APP: variants seen among roughly 807,000 people sequenced by gnomAD.
APP encodes the protein amyloid-beta precursor protein.
APP carries 31 observed loss-of-function variants against 101.4 expected under a neutral mutation model. The ratio of observed to expected loss-of-function variants is 0.31; its 90% CI spans 0.23 to 0.41. APP has a LOEUF of 0.41. Among genes scored for constraint, APP ranks in the 10% least tolerant of loss-of-function variants. The pLI, the probability that APP is intolerant of heterozygous loss-of-function variation, is 1.00. For synonymous variants in APP, 366 were observed against 364.4 expected (o/e 1.00, Z -0.05); for missense variants, 839 against 1,003.7 (o/e 0.84, Z 2.22).
intron 4 of APP, among the ~76,000 whole-genome samples, 161 bp downstream of exon 4, chr21:26,053,075 C>A (rs1279812862): frequency 4.6e-5 from 7 of 152,100 alleles, no homozygotes; most frequent in African/African-American, 1.7e-4. Flanking sequence ...AACCTAAAAT[C>A]ACTCTAAAAA....
At chr21:25,952,779 G>C (rs1309866129) in intron 13 of APP, among the ~76,000 whole-genome samples, 1 of 151,434 alleles carries the variant, frequency 6.6e-6, no homozygotes, top group Non-Finnish European at 1.5e-5. Flanking sequence ...ATGTTTTCTA[G>C]AAGATTTTAG....
At chr21:25,924,438 A>AAAAAAAAAAAG (rs1569061887) in intron 13 of APP, among the ~76,000 whole-genome samples, 1 of 134,308 alleles carries the variant, frequency 7.4e-6, no homozygotes, top group African/African-American at 2.7e-5. Context: ...GGAAAAAAAA[A>AAAAAAAAAAAG]AAGGTTGAGT....
Position 25,897,559 on chromosome 21 carries a change from A to C in APP, c.2064+14T>G, listed in dbSNP as rs1222646523. 3.8e-6 allele frequency: 6 copies of C among 1,596,904 alleles called. No individual in the cohort carries two copies. The African/African-American group carries it at 8.0e-5, about 21-fold the overall frequency. ...GACAAACAGTAGTGGAAAGAGGTAA[A>C]TTATTTTACGTACCAATTTTTGATG... On this transcript the variant is annotated intron_variant, in intron 16 of 17. Transcript: ENST00000346798.
intron 2 of APP, among the ~76,000 whole-genome samples, chr21:26,090,699 G>C (rs1436416220): frequency 6.6e-6 from 1 of 152,184 alleles, no homozygotes; most frequent in Admixed American, 6.5e-5. Flanking sequence ...CAGTAGATAT[G>C]GCTGGGGATA....
intron 2 of APP, among the ~76,000 whole-genome samples, chr21:26,093,864 C>T (rs1311845789): frequency 6.6e-6 from 1 of 152,034 alleles, no homozygotes; most frequent in Non-Finnish European, 1.5e-5. Flanking sequence ...ACCTGTAATC[C>T]CAGCACTTTG....
At chr21:26,129,639 T>C (rs540795096) in intron 1 of APP, among the ~76,000 whole-genome samples, 6 of 152,262 alleles carry the variant, frequency 3.9e-5, no homozygotes, top group African/African-American at 1.4e-4. Context: ...CTAAATTGCA[T>C]TTGTGAAATT....
chr21:25,927,147 T>G (rs1204217675), intron 13 of APP, among the ~76,000 whole-genome samples: 1 of 152,090 alleles, frequency 6.6e-6, no homozygotes, highest in Non-Finnish European at 1.5e-5. Flanking sequence ...TAAAAGAGAT[T>G]AAAGCAGTAG....
intron 3 of APP, among the ~76,000 whole-genome samples, chr21:26,055,755 C>T (rs2046015980): frequency 6.6e-6 from 1 of 152,176 alleles, no homozygotes; most frequent in Non-Finnish European, 1.5e-5. Context: ...GATTAAATGC[C>T]TGTCATGTAC....
chr21:26,077,038 G>A (rs1392411944), intron 3 of APP, among the ~76,000 whole-genome samples: 14 of 147,750 alleles, frequency 9.5e-5, no homozygotes, highest in African/African-American at 3.5e-4. Context: ...GCTCCAGCCT[G>A]GGCGACAGAG....
At chr21:26,142,425 C>G (rs2063066761) in intron 1 of APP, among the ~76,000 whole-genome samples, 1 of 152,212 alleles carries the variant, frequency 6.6e-6, no homozygotes, top group Non-Finnish European at 1.5e-5. Context: ...ATCCCCTTCT[C>G]TGCCAGACCA....
At chr21:26,026,144 A>G (rs1415586156) in intron 5 of APP, among the ~76,000 whole-genome samples, 1 of 152,270 alleles carries the variant, frequency 6.6e-6, no homozygotes, top group Non-Finnish European at 1.5e-5. Flanking sequence ...ATCATAAAAC[A>G]ATTTCCTTAC....
chr21:25,983,852 G>A lies in APP; in HGVS notation c.1091-1375C>T, dbSNP rs549260025. The stretch of plus-strand genomic sequence containing the variant: ...TGTTCCTTCTTACATTGGCAGCAAC[G>A]GGGGAAGGAAGGAAGGAAGGAAAGA... On this transcript the variant is annotated intron_variant, in intron 8 of 17. Coordinates refer to ENST00000346798, the MANE Select transcript of APP (RefSeq NM_000484.4). 3.9e-5 allele frequency among the ~76,000 whole-genome samples: 6 copies of A among 152,084 alleles called. No individual in the cohort carries two copies. In the South Asian group the frequency reaches 1.0e-3, roughly 27 times the overall value.
At chr21:25,926,488 A>G (rs559157008) in intron 13 of APP, among the ~76,000 whole-genome samples, 1 of 152,298 alleles carries the variant, frequency 6.6e-6, no homozygotes, top group South Asian at 2.1e-4. Flanking sequence ...TAACCATGAG[A>G]ACTGCACTCA....
chr21:26,007,950 T>C (rs539026345), intron 6 of APP, among the ~76,000 whole-genome samples: 2 of 152,190 alleles, frequency 1.3e-5, no homozygotes, highest in Non-Finnish European at 2.9e-5. Flanking sequence ...GCAAGCAAGC[T>C]TGAACTGAAG....
intron 15 of APP, among the ~76,000 whole-genome samples, chr21:25,901,867 G>A (rs187590385): frequency 1.7e-3 from 259 of 152,246 alleles, no homozygotes; most frequent in Non-Finnish European, 3.2e-3. Flanking sequence ...TATTTGGACT[G>A]CAGAAGGGTG....
intron 11 of APP, among the ~76,000 whole-genome samples, chr21:25,972,209 T>A (rs778097990): frequency 1.3e-4 from 20 of 152,058 alleles, no homozygotes; most frequent in Non-Finnish European, 2.9e-4. Context: ...ATACAACAAC[T>A]ACAGTATGTG....
chr21:26,111,694 G>A (rs1301535155), intron 2 of APP, among the ~76,000 whole-genome samples: 2 of 151,952 alleles, frequency 1.3e-5, no homozygotes, highest in African/African-American at 2.4e-5. Context: ...CCATAATCTT[G>A]CCACTGCACT....
At chr21:26,151,215 G>T (rs1395495174) in intron 1 of APP, among the ~76,000 whole-genome samples, 1 of 150,696 alleles carries the variant, frequency 6.6e-6, no homozygotes, top group Non-Finnish European at 1.5e-5. Flanking sequence ...CAGCAGTGAA[G>T]TGGCAAGGAG....
chr21:25,995,647 C>T (rs1211797061), intron 8 of APP, among the ~76,000 whole-genome samples: 1 of 152,196 alleles, frequency 6.6e-6, no homozygotes, highest in African/African-American at 2.4e-5. Flanking sequence ...GTACCTATGT[C>T]AACACTATAG....
Sources: allele counts gnomAD v4.1 joint callset (sites outside exome capture counted in the v4.1 genomes callset), GRCh38; gene constraint gnomAD v4.1.1; transcripts MANE v1.5; gene names NCBI Gene and HGNC (gene_info 2026-07-23, HGNC 2026-07-21).